CYFIP2: variants seen among roughly 807,000 people sequenced by gnomAD.
The protein encoded by CYFIP2 is cytoplasmic FMR1-interacting protein 2.
CYFIP2 carries 29 observed loss-of-function variants against 158.7 expected under a neutral mutation model. The ratio of observed to expected loss-of-function variants is 0.18; its 90% CI spans 0.14 to 0.25. The LOEUF (loss-of-function observed/expected upper bound fraction) is 0.25. Among genes scored for constraint, CYFIP2 ranks in the 10% least tolerant of loss-of-function variants. The pLI is 1.00. For missense variants in CYFIP2, 852 were observed against 1,639.5 expected (o/e 0.52, Z 8.29); for synonymous variants, 585 against 617.6 (o/e 0.95, Z 0.78).
Position 157,389,179 on chromosome 5 carries a change from C to T in CYFIP2, c.3208-10C>T. The T allele has an allele frequency of 6.2e-7, 1 of 1,600,680 alleles. No individual in the cohort carries two copies. The highest frequency in any genetic ancestry group is 8.5e-7 in the Non-Finnish European group (1 of 1,171,852). On this transcript the variant is annotated splice_polypyrimidine_tract_variant and intron_variant, in intron 28 of 30. Coordinates refer to ENST00000620254, the MANE Select transcript of CYFIP2 (RefSeq NM_001037333.3). ...GTGGATAGAAGGTGTATGTGCCCTTCTGTTTCCAGCAAATCGCCATTGCTC... is the reference window on the plus strand; with the variant it reads ...GTGGATAGAAGGTGTATGTGCCCTTTTGTTTCCAGCAAATCGCCATTGCTC...
intron 26 of CYFIP2, among the ~76,000 whole-genome samples, chr5:157,367,799 G>GGCTGGAGTGCA (rs1561772161): frequency 7.2e-6 from 1 of 139,534 alleles, no homozygotes; most frequent in African/African-American, 2.7e-5. Context: ...CTGTTGCCCA[G>GGCTGGAGTGCA]GCTGGAGTGC....
chr5:157,301,940 C>A (rs1268757218), intron 6 of CYFIP2, among the ~76,000 whole-genome samples: 1 of 152,158 alleles, frequency 6.6e-6, no homozygotes, highest in East Asian at 1.9e-4. Flanking sequence ...CAGACTGATT[C>A]TCACAAGTTT....
intron 21 of CYFIP2, among the ~76,000 whole-genome samples, chr5:157,337,113 A>G (rs548059273): frequency 6.6e-6 from 1 of 152,290 alleles, no homozygotes; most frequent in East Asian, 1.9e-4. Context: ...AAATAAACTC[A>G]GCGCCACTTA....
At chr5:157,379,821 G>C (rs1028651810) in intron 26 of CYFIP2, among the ~76,000 whole-genome samples, 3 of 152,122 alleles carry the variant, frequency 2.0e-5, no homozygotes, top group Non-Finnish European at 2.9e-5. Context: ...CCCAGACAGA[G>C]CCTATTTATC....
intron 29 of CYFIP2, among the ~76,000 whole-genome samples, chr5:157,389,795 G>A (rs1033745603): frequency 7.2e-5 from 11 of 152,210 alleles, no homozygotes; most frequent in Admixed American, 1.3e-4. Context: ...GGAAAAAGGC[G>A]TGGTGGGGAG....
rs577530330 is a variant in CYFIP2, at chr5:157,314,268, C to T, written c.1111-76C>T. On this transcript the variant is annotated intron_variant, in intron 11 of 30. Coordinates refer to ENST00000620254, the MANE Select transcript of CYFIP2 (RefSeq NM_001037333.3). The stretch of plus-strand genomic sequence containing the variant: ...AATAATAGCACTTCCCTGCAGTGTT[C>T]TTGGGGGAATCAATGAGATAACATA... 5 of 1,549,884 alleles carry T rather than the reference C, an allele frequency of 3.2e-6. No homozygotes were observed. The South Asian group carries it at 3.7e-5, about 11-fold the overall frequency.
chr5:157,294,358 C>A (rs1487065277), intron 3 of CYFIP2, among the ~76,000 whole-genome samples: 1 of 152,220 alleles, frequency 6.6e-6, no homozygotes, highest in Non-Finnish European at 1.5e-5. Context: ...CTGTCGTAAT[C>A]TTTGCAAAGG....
intron 21 of CYFIP2, among the ~76,000 whole-genome samples, chr5:157,338,603 TGAACC>T (rs1180885724): frequency 1.0e-3 from 152 of 152,364 alleles, no homozygotes; most frequent in African/African-American, 3.3e-3. Flanking sequence ...CTAATTTGGT[TGAACC>T]AGGCAAAATT....
chr5:157,374,848 A>G (rs1458561331), intron 26 of CYFIP2, among the ~76,000 whole-genome samples: 1 of 152,186 alleles, frequency 6.6e-6, no homozygotes, highest in African/African-American at 2.4e-5. Context: ...CATTCCAGTC[A>G]CTTGTAATAA....
chr5:157,340,297 ATGAG>A (rs1762159972), intron 22 of CYFIP2, among the ~76,000 whole-genome samples: 1 of 152,256 alleles, frequency 6.6e-6, no homozygotes, highest in South Asian at 2.1e-4. Context: ...CCAGTATTGA[ATGAG>A]TGTGTGTTGA....
intron 19 of CYFIP2, among the ~76,000 whole-genome samples, chr5:157,330,240 ATGTGTG>A (rs58447290): frequency 0.078 from 11,255 of 144,304 alleles, 397 homozygotes; most frequent in Non-Finnish European, 0.091. Context: ...GAGATTTAAA[ATGTGTG>A]TGTGTGTGTG....
intron 26 of CYFIP2, chr5:157,376,739 G>A (rs1196889252): frequency 3.3e-6 from 1 of 307,682 alleles, no homozygotes; most frequent in African/African-American, 2.2e-5. Context: ...ACCCTGAGAA[G>A]CACCCACTTA....
intron 23 of CYFIP2, among the ~76,000 whole-genome samples, chr5:157,351,439 G>A (rs77086472): frequency 6.6e-6 from 1 of 152,160 alleles, no homozygotes; most frequent in African/African-American, 2.4e-5. Context: ...ATATTGAAAA[G>A]TTCAAAGATG....
At chr5:157,309,457 C>T (rs1759522066) in intron 9 of CYFIP2, among the ~76,000 whole-genome samples, 1 of 152,218 alleles carries the variant, frequency 6.6e-6, no homozygotes, top group African/African-American at 2.4e-5. Context: ...CCATCCAGTC[C>T]TTGGCCTTCA....
rs139381072 is a variant in CYFIP2, at chr5:157,345,316, C to G, written c.2673+4159C>G. ...TCCTATCTGCCACTAGCTGTCTGTA[C>G]AGATGGAATTACCTCAGCAGACATT... On this transcript the variant is annotated intron_variant, in intron 23 of 30. Transcript: ENST00000620254. 4 of 152,636 alleles carry G rather than the reference C, an allele frequency of 2.6e-5. No individual in the cohort carries two copies. The East Asian group carries it at 7.7e-4, about 29-fold the overall frequency. The allele number at this position is 152,636 out of a possible 1,614,324, so 9.5% of individuals were successfully genotyped here.
rs765066355 is a variant in CYFIP2 at position 157,286,999 on chromosome 5, C to T, written c.118-20C>T. The T allele has an allele frequency of 1.2e-6, 2 of 1,606,000 alleles. No homozygotes were observed. Among genetic ancestry groups the T allele is most frequent in the Non-Finnish European group, 1.7e-6 (2 of 1,174,414 alleles). On this transcript the variant is annotated intron_variant, in intron 2 of 30. Coordinates refer to ENST00000620254, the MANE Select transcript of CYFIP2 (RefSeq NM_001037333.3). The stretch of plus-strand genomic sequence containing the variant: ...ACTGTTTTCTAACAACCAAAATGTT[C>T]CTGTCCTCTAATTCCACAGGCTAAC...
In CYFIP2 at chr5:157,362,272, C is replaced by T. The variant is rs574120832; in HGVS notation, c.3039+674C>T. On this transcript the variant is annotated intron_variant, in intron 26 of 30. Coordinates refer to ENST00000620254, the MANE Select transcript of CYFIP2 (RefSeq NM_001037333.3). ...AGTTTAGAACAAAGAACTGGAACTG[C>T]GGTCAGAGTTCGGCCTGCAGTTCCC... Among the ~76,000 whole-genome samples, 3 of 152,316 alleles carry T rather than the reference C, an allele frequency of 2.0e-5. No individual in the cohort carries two copies. In the South Asian group the frequency reaches 6.2e-4, roughly 32 times the overall value.
intron 1 of CYFIP2, among the ~76,000 whole-genome samples, chr5:157,281,378 A>T (rs1756973538): frequency 6.6e-6 from 1 of 152,218 alleles, no homozygotes; most frequent in Non-Finnish European, 1.5e-5. Context: ...AAAGGAAAAA[A>T]ATACTTTTAT....
At chr5:157,326,343 C>A in intron 18 of CYFIP2, 76 bp downstream of exon 18, 2 of 1,230,148 alleles carry the variant, frequency 1.6e-6, no homozygotes, top group South Asian at 1.2e-5. Context: ...TTGCTATTAG[C>A]ATGAAGTAGG....
Sources: gnomAD v4.1 joint callset for allele counts (sites outside exome capture counted in the v4.1 genomes callset) on GRCh38, gnomAD v4.1.1 for gene constraint, MANE v1.5 for transcripts, NCBI Gene and HGNC (gene_info 2026-07-23, HGNC 2026-07-21) for gene names.